Variants in CCDC102B observed in about 807,000 individuals in gnomAD.
CCDC102B encodes the protein coiled-coil domain-containing protein 102B.
CCDC102B carries 75 observed loss-of-function variants against 57.4 expected under a neutral mutation model. The observed-to-expected ratio is 1.31, with a 90% CI of 1.08 to 1.58. The LOEUF (loss-of-function observed/expected upper bound fraction) is 1.58, where lower values mean the gene tolerates loss of function less well. CCDC102B is among the 40% of genes most tolerant of loss of function. CCDC102B has a pLI of 0.00. For missense variants in CCDC102B, 636 were observed against 582.6 expected (o/e 1.09, Z -0.94); for synonymous variants, 206 against 201.9 (o/e 1.02, Z -0.17).
At chr18:68,765,316 G>GAAAGAAAGAAA (rs1568238645) in intron 2 of CCDC102B, among the ~76,000 whole-genome samples, 13 of 36,564 alleles carry the variant, frequency 3.6e-4, no homozygotes, top group East Asian at 2.6e-3. Context: ...AAGGAAGGAA[G>GAAAGAAAGAAA]GAAGGAAGGA....
At chr18:69,020,624 T>C (rs181369532) in intron 7 of CCDC102B, among the ~76,000 whole-genome samples, 34 of 152,226 alleles carry the variant, frequency 2.2e-4, no homozygotes, top group African/African-American at 8.2e-4. Context: ...TTTTGCTATT[T>C]CCATGGCAAA....
chr18:68,809,385 T>G (rs552218844), intron 1 of CCDC102B, among the ~76,000 whole-genome samples: 1 of 152,212 alleles, frequency 6.6e-6, no homozygotes, highest in Admixed American at 6.5e-5. Context: ...AAAAACACAG[T>G]TTAAGTTTGT....
rs1328613718 is a variant in CCDC102B at position 68,836,905 on chromosome 18, G to A, written c.142G>A (p.Gly48Arg). The change falls in exon 2 of 8, where the codon GGG becomes AGG. Residue 48 changes from glycine (G) to arginine (R), a missense_variant. Transcript: ENST00000360242. ...DTCNTCFPLH[G>R]LQSHAAHNFC... is the part of the protein sequence containing the mutation. ...CTGTAATACCTGCTTCCCACTTCAT[G>A]GGCTACAATCTCATGCTGCTCACAA... is the stretch of plus-strand genomic sequence containing the variant. The A allele has an allele frequency of 1.9e-6, 3 of 1,614,072 alleles. No homozygotes were observed. In the South Asian group the frequency reaches 3.3e-5, roughly 18 times the overall value.
At chr18:68,861,482 C>T (rs115620355) in intron 4 of CCDC102B, among the ~76,000 whole-genome samples, 37 of 152,192 alleles carry the variant, frequency 2.4e-4, no homozygotes, top group African/African-American at 8.9e-4. Flanking sequence ...TCTTTCATGT[C>T]TTGAAGCTTT....
chr18:68,912,346 C>T (rs1197933377), intron 6 of CCDC102B, among the ~76,000 whole-genome samples: 2 of 152,316 alleles, frequency 1.3e-5, no homozygotes, highest in Middle Eastern at 3.4e-3. Context: ...AACATTCAAA[C>T]TCTGTTTAAT....
intron 6 of CCDC102B, among the ~76,000 whole-genome samples, chr18:68,981,354 A>G (rs2050575373): frequency 6.6e-6 from 1 of 152,012 alleles, no homozygotes; most frequent in South Asian, 2.1e-4. Flanking sequence ...TTATTGGACT[A>G]ATCTGCCCTC....
intron 6 of CCDC102B, among the ~76,000 whole-genome samples, chr18:68,989,977 A>AG (rs2050822119): frequency 6.6e-6 from 1 of 152,144 alleles, no homozygotes; most frequent in African/African-American, 2.4e-5. Flanking sequence ...TTGTTGTTGT[A>AG]GTTTTTAATG....
chr18:68,988,347 C>G (rs2050776567), intron 6 of CCDC102B, among the ~76,000 whole-genome samples: 1 of 151,930 alleles, frequency 6.6e-6, no homozygotes. Context: ...AAACTTTGAG[C>G]ACACCCGGAC....
chr18:68,944,162 T>A (rs768641735), intron 6 of CCDC102B, among the ~76,000 whole-genome samples: 3 of 152,156 alleles, frequency 2.0e-5, no homozygotes, highest in Non-Finnish European at 4.4e-5. Context: ...GGTAAGGAGC[T>A]CTTAATGTCT....
rs1316644250 is a variant in CCDC102B, at chr18:68,956,512, TATCGC to T, written c.1264-54419_1264-54415del. ...ATATATATAAAATATATAATATATA[TATCGC>T]ATATTATATATATTATATATTTTAT... On this transcript the variant is annotated intron_variant, in intron 6 of 7. Coordinates refer to ENST00000360242, the MANE Select transcript of CCDC102B (RefSeq NM_024781.3). Among the ~76,000 whole-genome samples the T allele has an allele frequency of 1.1e-3, 51 of 48,526 alleles. 3 individuals are homozygous for T. The highest frequency in any genetic ancestry group is 7.8e-3 in the African/African-American group (49 of 6,262). 31.8% of individuals were successfully genotyped at this position (48,526 alleles called of 152,430 possible). A position where few individuals can be genotyped will look rare whatever the true frequency, so the allele number is the denominator to read the frequency against.
chr18:68,787,792 T>C (rs1419411531), intron 2 of CCDC102B, among the ~76,000 whole-genome samples: 2 of 152,026 alleles, frequency 1.3e-5, no homozygotes, highest in Non-Finnish European at 2.9e-5. Context: ...CCTGGATTCA[T>C]TAATTTTTTG....
chr18:68,722,263 C>A lies in CCDC102B; in HGVS notation c.-67+5669C>A, dbSNP rs77519154. Among the ~76,000 whole-genome samples the A allele has an allele frequency of 4.3e-3, 648 of 152,324 alleles. 2 individuals carry two copies. The highest frequency in any genetic ancestry group is 0.013 in the African/African-American group (535 of 41,552). On this transcript the variant is annotated intron_variant, in intron 2 of 3. Transcript: ENST00000578970. ...TGACTGGAATGTAGTAAAGAAAGGA[C>A]AGTCATTCCCAGAGAAGGGCAATTT...
chr18:68,728,272 G>T (rs564406624), intron 2 of CCDC102B, among the ~76,000 whole-genome samples: 2 of 152,168 alleles, frequency 1.3e-5, no homozygotes, highest in Admixed American at 1.3e-4. Context: ...AGGGAAGAAA[G>T]TCTAACATAT....
At chr18:68,737,982 C>G (rs1384067784) in intron 2 of CCDC102B, among the ~76,000 whole-genome samples, 1 of 152,018 alleles carries the variant, frequency 6.6e-6, no homozygotes, top group Non-Finnish European at 1.5e-5. Context: ...CCTTTCTCTA[C>G]CTAGACACAT....
chr18:69,004,854 T>C (rs1037616554), intron 6 of CCDC102B, among the ~76,000 whole-genome samples: 4 of 152,146 alleles, frequency 2.6e-5, no homozygotes, highest in African/African-American at 9.7e-5. Context: ...ATATCAACAC[T>C]ATAGACAATA....
intron 1 of CCDC102B, among the ~76,000 whole-genome samples, chr18:68,829,113 G>A (rs1038944179): frequency 1.3e-5 from 2 of 151,586 alleles, no homozygotes; most frequent in South Asian, 2.1e-4. Flanking sequence ...GGAGGAGCTG[G>A]GCTTTTAAAA....
At chr18:68,968,791 A>G (rs2050225501) in intron 6 of CCDC102B, among the ~76,000 whole-genome samples, 2 of 152,140 alleles carry the variant, frequency 1.3e-5, no homozygotes, top group African/African-American at 4.8e-5. Context: ...GCACTCACGC[A>G]GTAGTTATTC....
chr18:68,799,250 T>G (rs1175826208), intron 1 of CCDC102B, among the ~76,000 whole-genome samples: 1 of 152,180 alleles, frequency 6.6e-6, no homozygotes, highest in East Asian at 1.9e-4. Flanking sequence ...AATATCTGTG[T>G]AGGTTTGTGT....
At chr18:68,992,399 C>T (rs954295388) in intron 6 of CCDC102B, among the ~76,000 whole-genome samples, 1 of 152,156 alleles carries the variant, frequency 6.6e-6, no homozygotes, top group Non-Finnish European at 1.5e-5. Context: ...GGCTGAACCC[C>T]ACATGGCCAT....
Sources: gnomAD v4.1 joint callset for allele counts (sites outside exome capture counted in the v4.1 genomes callset) on GRCh38, gnomAD v4.1.1 for gene constraint, MANE v1.5 for transcripts, NCBI Gene and HGNC (gene_info 2026-07-23, HGNC 2026-07-21) for gene names.